Variants in DNAJB6 observed in about 807,000 individuals in gnomAD.
DNAJB6 encodes the protein dnaJ homolog subfamily B member 6.
A neutral mutation model predicts 42.7 loss-of-function variants in DNAJB6; 16 were observed. The ratio of observed to expected loss-of-function variants is 0.37; its 90% confidence interval spans 0.25 to 0.57. The LOEUF (loss-of-function observed/expected upper bound fraction) is 0.57, where lower values mean the gene tolerates loss of function less well. Among genes scored for constraint, DNAJB6 ranks in the 20% least tolerant of loss-of-function variants. The pLI is 0.74. For synonymous variants in DNAJB6, 170 were observed against 163.5 expected (o/e 1.04, Z -0.30); for missense variants, 347 against 416.8 (o/e 0.83, Z 1.46).
At chr7:157,373,870 T>C (rs1237502923) in intron 5 of DNAJB6, among the ~76,000 whole-genome samples, 13 of 152,230 alleles carry the variant, frequency 8.5e-5, no homozygotes, top group Admixed American at 6.5e-4. Context: ...AAGGAGTCTT[T>C]TTAAATACAC....
intron 1 of DNAJB6, among the ~76,000 whole-genome samples, chr7:157,345,058 G>C (rs968087125): frequency 6.6e-6 from 1 of 151,850 alleles, no homozygotes; most frequent in African/African-American, 2.4e-5. Flanking sequence ...CAATGGAGTG[G>C]TCTCGGCTCA....
At chr7:157,338,605 A>T (rs1798174481) in intron 1 of DNAJB6, among the ~76,000 whole-genome samples, 1 of 152,112 alleles carries the variant, frequency 6.6e-6, no homozygotes, top group Non-Finnish European at 1.5e-5. Flanking sequence ...AAGTGTTGGG[A>T]TTAGAGGCGC....
At chr7:157,400,254 A>C (rs1362860423) in intron 8 of DNAJB6, among the ~76,000 whole-genome samples, 2 of 148,006 alleles carry the variant, frequency 1.4e-5, no homozygotes, top group Non-Finnish European at 3.0e-5. Context: ...GCTCGCGTCT[A>C]GGGAGTTCTG....
intron 6 of DNAJB6, among the ~76,000 whole-genome samples, 175 bp from the exon 7 acceptor site, chr7:157,384,692 C>G (rs1004485033): frequency 1.3e-5 from 2 of 152,234 alleles, no homozygotes; most frequent in Non-Finnish European, 2.9e-5. Flanking sequence ...GAGAGACAGT[C>G]TTTCCCCCTG....
chr7:157,352,127 C>A (rs142961493), intron 1 of DNAJB6, among the ~76,000 whole-genome samples: 1 of 151,354 alleles, frequency 6.6e-6, no homozygotes, highest in Non-Finnish European at 1.5e-5. Context: ...GTCAGGAGAT[C>A]GAGACCATCC....
chr7:157,408,810 G>A (rs1461667863), intron 8 of DNAJB6, among the ~76,000 whole-genome samples: 2 of 152,236 alleles, frequency 1.3e-5, no homozygotes, highest in African/African-American at 2.4e-5. Context: ...CAGTGCTTGC[G>A]GGGAAGCGAG....
intron 6 of DNAJB6, among the ~76,000 whole-genome samples, chr7:157,384,513 T>C (rs2117087758): frequency 6.6e-6 from 1 of 152,280 alleles, no homozygotes; most frequent in South Asian, 2.1e-4. Context: ...TCCAGAATGT[T>C]CACATTAACA....
At chr7:157,337,715 A>G (rs1450641487) in intron 1 of DNAJB6, 3 of 152,232 alleles carry the variant, frequency 2.0e-5, no homozygotes, top group Non-Finnish European at 4.4e-5. Flanking sequence ...CTCACTCAGA[A>G]TGTTTGTCTG....
intron 8 of DNAJB6, among the ~76,000 whole-genome samples, chr7:157,405,772 G>A (rs1795746179): frequency 6.6e-6 from 1 of 152,264 alleles, no homozygotes; most frequent in South Asian, 2.1e-4. Flanking sequence ...GAGGGACCGG[G>A]AGGCCGAGTC....
At chr7:157,361,151 A>G (rs961164457) in intron 2 of DNAJB6, among the ~76,000 whole-genome samples, 3 of 144,324 alleles carry the variant, frequency 2.1e-5, no homozygotes, top group African/African-American at 7.7e-5. Flanking sequence ...TATTTGATCC[A>G]CTGCTACACG....
chr7:157,364,859 C>G (rs968904829), intron 3 of DNAJB6, among the ~76,000 whole-genome samples: 7 of 152,202 alleles, frequency 4.6e-5, no homozygotes, highest in African/African-American at 1.7e-4. Flanking sequence ...AAAACATGGT[C>G]ATTGTTCTTG....
At chr7:157,402,178 C>G (rs1022993054) in intron 8 of DNAJB6, among the ~76,000 whole-genome samples, 8 of 152,220 alleles carry the variant, frequency 5.3e-5, no homozygotes, top group South Asian at 2.1e-4. Context: ...CCAGGCTGGT[C>G]TCGAACTCCT....
chr7:157,390,393 A>C (rs1468548957), intron 8 of DNAJB6, among the ~76,000 whole-genome samples: 1 of 152,054 alleles, frequency 6.6e-6, no homozygotes, highest in Non-Finnish European at 1.5e-5. Flanking sequence ...CTGCCCTGTT[A>C]GGTTGGTTTC....
At chr7:157,402,974 C>A (rs143152890) in intron 8 of DNAJB6, among the ~76,000 whole-genome samples, 40 of 152,290 alleles carry the variant, frequency 2.6e-4, no homozygotes, top group African/African-American at 8.9e-4. Context: ...GTTGAGGACA[C>A]GCCCGTGACA....
intron 8 of DNAJB6, among the ~76,000 whole-genome samples, chr7:157,391,040 T>G (rs1219281575): frequency 6.6e-6 from 1 of 152,156 alleles, no homozygotes; most frequent in African/African-American, 2.4e-5. Flanking sequence ...TTTGCCGTGT[T>G]GCCCAGGCTG....
In DNAJB6 at chr7:157,357,904, G is replaced by C. The variant is rs141358176; in HGVS notation, c.-26-643G>C. ...GGTAGTGATACTATCTAATTAGTGT[G>C]GTCAACAGGGCAATATTGTATTTCT... On this transcript the variant is annotated intron_variant, in intron 1 of 9. Coordinates refer to ENST00000262177, the MANE Select transcript of DNAJB6 (RefSeq NM_058246.4). Among the ~76,000 whole-genome samples, 891 of 152,262 alleles carry C rather than the reference G, an allele frequency of 5.9e-3. 12 individuals are homozygous for C. Among genetic ancestry groups the C allele is most frequent in the African/African-American group, 0.02 (837 of 41,546 alleles).
intron 1 of DNAJB6, 24 bp from the exon 2 acceptor site, chr7:157,358,523 C>G (rs374763922): frequency 6.6e-7 from 1 of 1,525,154 alleles, no homozygotes; most frequent in South Asian, 1.1e-5. Context: ...AGCCTCATCA[C>G]TGACCACCTG....
chr7:157,373,769 A>G (rs1247664955), intron 5 of DNAJB6, among the ~76,000 whole-genome samples: 1 of 151,708 alleles, frequency 6.6e-6, no homozygotes, highest in Non-Finnish European at 1.5e-5. Context: ...ACACGGCGCT[A>G]CAGCAGTTTG....
chr7:157,406,703 C>T (rs533535742), intron 8 of DNAJB6, among the ~76,000 whole-genome samples: 9 of 152,300 alleles, frequency 5.9e-5, no homozygotes, highest in Admixed American at 2.0e-4. Context: ...GCCAGCTCAG[C>T]GGCCCGGGGT....
Sources: gnomAD v4.1 joint callset for allele counts (sites outside exome capture counted in the v4.1 genomes callset) on GRCh38, gnomAD v4.1.1 for gene constraint, MANE v1.5 for transcripts, NCBI Gene and HGNC (gene_info 2026-07-23, HGNC 2026-07-21) for gene names.